MACROD2: variants seen among roughly 807,000 people sequenced by gnomAD.
MACROD2 encodes the protein ADP-ribose glycohydrolase MACROD2.
Under a neutral mutation model 70.4 loss-of-function variants are expected in MACROD2, and 36 were observed. The observed-to-expected ratio is 0.51, with a 90% confidence interval of 0.39 to 0.68. The LOEUF (loss-of-function observed/expected upper bound fraction) is 0.68, where lower values mean the gene tolerates loss of function less well. Ranked by LOEUF, MACROD2 falls within the 30% of genes least tolerant of loss-of-function variation. MACROD2 has a pLI of 0.00. For synonymous variants in MACROD2, 172 were observed against 178.8 expected, an observed-to-expected ratio of 0.96 and a Z score of 0.30; for missense variants, 496 against 538.4, an observed-to-expected ratio of 0.92 and a Z score of 0.78.
chr20:15,181,202 C>T (rs1037030490), intron 5 of MACROD2, among the ~76,000 whole-genome samples: 1 of 152,018 alleles, frequency 6.6e-6, no homozygotes, highest in African/African-American at 2.4e-5. Context: ...TCACGTTTGG[C>T]GGTGGATGCA....
chr20:13,995,918 C>G lies in MACROD2; in HGVS notation c.46+109C>G, dbSNP rs866324366. 3 of 1,336,652 alleles carry G rather than the reference C, an allele frequency of 2.2e-6. No individual in the cohort carries two copies. In the South Asian group the frequency reaches 3.9e-5, roughly 17 times the overall value. 82.8% of individuals were successfully genotyped at this position (1,336,652 alleles called of 1,614,324 possible). ...CTCCGCCCGAGCTCCCGCCTCGCGC[C>G]CTCCCGGCCGGTGCCGCCTCCCTCC... On this transcript the variant is annotated intron_variant, in intron 1 of 17. Transcript: ENST00000684519. The surrounding 1 kb of genome is among the most constrained non-coding windows in gnomAD (Gnocchi z 4.3).
At chr20:14,826,550 T>G (rs1034586919) in intron 5 of MACROD2, among the ~76,000 whole-genome samples, 1 of 152,132 alleles carries the variant, frequency 6.6e-6, no homozygotes, top group Non-Finnish European at 1.5e-5. Flanking sequence ...ATTTTGCTTT[T>G]GGCAGAATTC....
chr20:15,182,207 A>T (rs955478242), intron 5 of MACROD2, among the ~76,000 whole-genome samples: 4 of 152,210 alleles, frequency 2.6e-5, no homozygotes, highest in Non-Finnish European at 5.9e-5. Flanking sequence ...CTGTCTTCCC[A>T]TAGTAACAAA....
intron 4 of MACROD2, among the ~76,000 whole-genome samples, chr20:14,509,197 TA>T (rs1461225036): frequency 6.6e-6 from 1 of 152,104 alleles, no homozygotes. Flanking sequence ...GGGTTTTTTG[TA>T]ACCATTTTTT....
intron 5 of MACROD2, among the ~76,000 whole-genome samples, chr20:15,127,568 A>G (rs942270442): frequency 6.6e-5 from 10 of 152,016 alleles, no homozygotes; most frequent in African/African-American, 2.4e-4. Flanking sequence ...TGGAGGCTCT[A>G]TTTCAAGGCT....
chr20:15,979,236 G>A (rs928204464), intron 13 of MACROD2, among the ~76,000 whole-genome samples: 17 of 152,302 alleles, frequency 1.1e-4, no homozygotes, highest in Admixed American at 6.5e-4. Flanking sequence ...TACTTAGCCC[G>A]GGTTGGCTGT....
intron 5 of MACROD2, among the ~76,000 whole-genome samples, chr20:15,166,621 G>A (rs2076385961): frequency 6.6e-6 from 1 of 151,774 alleles, no homozygotes; most frequent in Non-Finnish European, 1.5e-5. Flanking sequence ...CAAAAAAAAA[G>A]TATAAAATAC....
intron 5 of MACROD2, among the ~76,000 whole-genome samples, chr20:15,106,216 C>G (rs17357440): frequency 0.1 from 15,827 of 152,162 alleles, 1,035 homozygotes; most frequent in Middle Eastern, 0.18. Context: ...AAACACAACT[C>G]TTAACTCACT....
intron 8 of MACROD2, among the ~76,000 whole-genome samples, chr20:15,547,362 G>A (rs866341800): frequency 2.6e-5 from 4 of 152,184 alleles, no homozygotes; most frequent in East Asian, 1.9e-4. Context: ...CAAATGTAGC[G>A]GTACTAGCTG....
chr20:14,785,749 A>C (rs1231353874), intron 5 of MACROD2, among the ~76,000 whole-genome samples: 3 of 152,066 alleles, frequency 2.0e-5, no homozygotes, highest in Non-Finnish European at 4.4e-5. Flanking sequence ...GACCAGGGGT[A>C]ATCTGGGAGA....
At chr20:15,261,402 T>C (rs1372093396) in intron 6 of MACROD2, among the ~76,000 whole-genome samples, 2 of 152,000 alleles carry the variant, frequency 1.3e-5, no homozygotes, top group East Asian at 1.9e-4. Context: ...TTATTTCTAA[T>C]TGGGCAGTTT....
chr20:15,164,158 A>T (rs1049305481), intron 5 of MACROD2, among the ~76,000 whole-genome samples: 1 of 152,188 alleles, frequency 6.6e-6, no homozygotes, highest in South Asian at 2.1e-4. Context: ...GATTTAATCA[A>T]CTGTGGATAG....
intron 3 of MACROD2, among the ~76,000 whole-genome samples, chr20:14,303,367 T>C (rs2122494676): frequency 6.6e-6 from 1 of 152,278 alleles, no homozygotes; most frequent in South Asian, 2.1e-4. Context: ...GCTTGTTTTC[T>C]GAGGTGGTAG....
chr20:15,453,235 G>A (rs1393427265), intron 7 of MACROD2, among the ~76,000 whole-genome samples: 1 of 149,650 alleles, frequency 6.7e-6, no homozygotes, highest in African/African-American at 2.4e-5. Flanking sequence ...CTCTCTCCCT[G>A]AGAAAGATAC....
chr20:15,848,015 G>A (rs1172917479), intron 8 of MACROD2, among the ~76,000 whole-genome samples: 1 of 152,136 alleles, frequency 6.6e-6, no homozygotes, highest in East Asian at 1.9e-4. Flanking sequence ...GCAGAGAAGT[G>A]TTCAATAGCT....
chr20:15,847,059 C>T (rs2064240995), intron 8 of MACROD2, among the ~76,000 whole-genome samples: 1 of 151,872 alleles, frequency 6.6e-6, no homozygotes, highest in Non-Finnish European at 1.5e-5. Context: ...AATTAAATTA[C>T]ATAGAAAAAA....
intron 5 of MACROD2, among the ~76,000 whole-genome samples, chr20:14,748,309 AT>A (rs1317281101): frequency 2.0e-5 from 3 of 152,032 alleles, no homozygotes; most frequent in Non-Finnish European, 4.4e-5. Flanking sequence ...CTCTGTCACA[AT>A]TTGAAGTACA....
chr20:15,045,725 T>TTG (rs1341070742), intron 5 of MACROD2, among the ~76,000 whole-genome samples: 1 of 144,512 alleles, frequency 6.9e-6, no homozygotes, highest in East Asian at 2.0e-4. Flanking sequence ...CAGGGTTTTT[T>TTG]TTTTTTTTTT....
At chr20:14,463,529 C>G (rs1458968945) in intron 3 of MACROD2, among the ~76,000 whole-genome samples, 1 of 152,008 alleles carries the variant, frequency 6.6e-6, no homozygotes, top group Non-Finnish European at 1.5e-5. Context: ...CCCTTTATTT[C>G]CTTCTCCTGC....
Sources: gnomAD v4.1 joint callset for allele counts (sites outside exome capture counted in the v4.1 genomes callset) on GRCh38, gnomAD v4.1.1 for gene constraint, Gnocchi (gnomAD v3.1) non-coding constraint, MANE v1.5 for transcripts, NCBI Gene and HGNC (gene_info 2026-07-23, HGNC 2026-07-21) for gene names.